The following PRXL2C variants were observed in gnomAD, a reference collection of about 807,000 sequenced individuals.
PRXL2C encodes peroxiredoxin-like 2C.
A neutral mutation model predicts 24.9 loss-of-function variants in PRXL2C; 38 were observed. The ratio of observed to expected loss-of-function variants is 1.53; its 90% CI spans 1.18 to 2.00. PRXL2C has a LOEUF of 2.00. Among genes scored for constraint, PRXL2C ranks in the 30% most tolerant of loss-of-function variants. The probability of loss-of-function intolerance (pLI) is 0.00; values close to 1 mark genes in which losing one functional copy is unlikely to be tolerated. For synonymous variants in PRXL2C, 98 were observed against 117.2 expected, an observed-to-expected ratio of 0.84 and a Z score of 1.06; for missense variants, 294 against 290.9, an observed-to-expected ratio of 1.01 and a Z score of -0.08.
At chr9:96,646,944 C>T (rs894266685) in intron 4 of PRXL2C, among the ~76,000 whole-genome samples, 4 of 152,140 alleles carry the variant, frequency 2.6e-5, no homozygotes, top group Admixed American at 6.5e-5. Flanking sequence ...GCATGTGCCA[C>T]CACGCCCGGC....
chr9:96,650,957 C>G (rs890302632), intron 4 of PRXL2C, among the ~76,000 whole-genome samples: 1 of 152,106 alleles, frequency 6.6e-6, no homozygotes, highest in Non-Finnish European at 1.5e-5. Context: ...AATGAATCTT[C>G]TGGAGCCTGG....
chr9:96,652,696 TAC>T (rs1848285038), intron 2 of PRXL2C, among the ~76,000 whole-genome samples: 1 of 152,206 alleles, frequency 6.6e-6, no homozygotes, highest in Non-Finnish European at 1.5e-5. Context: ...GGAACTTTTG[TAC>T]ACTGTTGTTA....
chr9:96,650,699 C>T (rs1848254215), intron 4 of PRXL2C, among the ~76,000 whole-genome samples: 1 of 152,020 alleles, frequency 6.6e-6, no homozygotes, highest in Non-Finnish European at 1.5e-5. Context: ...ATACTACTTT[C>T]CGTTTAATTA....
rs1015490247 is a variant in PRXL2C, at chr9:96,655,123, G to A, written c.159C>T (p.Phe53=). ...ACACCACCACGGCGCGGCGCTCCCG[G>A]AACAGCGCGCCGAACGGTACCCGCT... is the stretch of plus-strand genomic sequence containing the variant. ...RGQRVPFGAL[F]RERRAVVVFV... Residue 53 remains phenylalanine (F), a synonymous_variant, in exon 1 of 6, where the codon TTC becomes TTT. Transcript: ENST00000375234. The A allele has an allele frequency of 2.9e-6, 4 of 1,402,862 alleles. No individual in the cohort carries two copies. The highest frequency in any genetic ancestry group is 3.7e-6 in the Non-Finnish European group (4 of 1,081,770). 86.9% of individuals were successfully genotyped at this position (1,402,862 alleles called of 1,614,324 possible).
Position 96,653,950 on chromosome 9 carries a change from C to T in PRXL2C, c.261+755G>A, listed in dbSNP as rs1429837680. Among the ~76,000 whole-genome samples, 5 of 152,166 alleles carry T rather than the reference C, an allele frequency of 3.3e-5. No homozygotes were observed. In the East Asian group the frequency reaches 9.6e-4, roughly 29 times the overall value. On this transcript the variant is annotated intron_variant, in intron 2 of 5. Transcript: ENST00000375234. ...CCGCCTCCCGGGTTCACGCCATTCT[C>T]CTGCCTCAGCCTCCCGAGTAGCTGG...
At chr9:96,646,991 C>T (rs978866695) in intron 4 of PRXL2C, among the ~76,000 whole-genome samples, 2 of 152,118 alleles carry the variant, frequency 1.3e-5, no homozygotes, top group Non-Finnish European at 2.9e-5. Flanking sequence ...GGTTTCTCCA[C>T]GTTGGTCAGG....
At chr9:96,651,901 T>C (rs1355470533) in intron 2 of PRXL2C, among the ~76,000 whole-genome samples, 189 bp from the exon 3 acceptor site, 1 of 152,232 alleles carries the variant, frequency 6.6e-6, no homozygotes, top group East Asian at 1.9e-4. Flanking sequence ...AGATGCTTCT[T>C]TTGCTAAGTA....
intron 2 of PRXL2C, among the ~76,000 whole-genome samples, chr9:96,652,463 G>A (rs1848280358): frequency 6.6e-6 from 1 of 150,496 alleles, no homozygotes; most frequent in Non-Finnish European, 1.5e-5. Context: ...GAAGGTTGTA[G>A]TCAGCCGAGA....
At chr9:96,651,799 T>C in intron 2 of PRXL2C, 87 bp from the exon 3 acceptor site, 2 of 1,158,138 alleles carry the variant, frequency 1.7e-6, no homozygotes, top group Non-Finnish European at 2.5e-6. Flanking sequence ...TTATGTTTCA[T>C]TCTAATGCCA....
chr9:96,652,186 A>C (rs1848277085), intron 2 of PRXL2C, among the ~76,000 whole-genome samples: 2 of 152,244 alleles, frequency 1.3e-5, no homozygotes, highest in South Asian at 4.1e-4. Context: ...AAAGTGTAAA[A>C]GAAATTCAAA....
intron 1 of PRXL2C, 115 bp from the exon 2 acceptor site, chr9:96,654,888 G>A: frequency 1.6e-6 from 2 of 1,243,992 alleles, no homozygotes; most frequent in African/African-American, 3.2e-5. Context: ...GCGGGGCCGG[G>A]ACCGGCGGCT....
At chr9:96,655,032 C>T in intron 1 of PRXL2C, 58 bp downstream of exon 1, 3 of 1,428,842 alleles carry the variant, frequency 2.1e-6, no homozygotes, top group Non-Finnish European at 2.7e-6. Context: ...GCTCGCATCC[C>T]GGCAGCCTGC....
chr9:96,645,850 A>C, intron 5 of PRXL2C, 43 bp downstream of exon 5: 1 of 1,538,926 alleles, frequency 6.5e-7, no homozygotes, highest in Non-Finnish European at 8.7e-7. Context: ...AACTTGTAAA[A>C]AGCACAAGAC....
Position 96,651,436 on chromosome 9 carries a change from A to C in PRXL2C, c.375T>G (p.Ile125Met). The change falls in exon 4 of 6, where the codon ATT becomes ATG. Residue 125 changes from isoleucine (I) to methionine (M), a missense_variant. Physicochemically the swap from Ile to Met is conservative, Grantham distance 10. Transcript: ENST00000375234. ...HEIYVDPERE[I>M]YKRLGMKRGE... The stretch of plus-strand genomic sequence containing the variant: ...CTCTTTTCATTCCCAATCTTTTATA[A>C]ATTTCTCTCTCAGGATCGACATAGA... 6.2e-7 allele frequency: 1 copy of C among 1,613,506 alleles called. No homozygotes were observed. Among genetic ancestry groups the C allele is most frequent in the Non-Finnish European group, 8.5e-7 (1 of 1,179,892 alleles).
chr9:96,649,772 A>G (rs1848245980), intron 4 of PRXL2C, among the ~76,000 whole-genome samples: 1 of 151,940 alleles, frequency 6.6e-6, no homozygotes, highest in Admixed American at 6.6e-5. Flanking sequence ...CATGGGTTAT[A>G]TGACTGTCTC....
rs978515932 is a variant in PRXL2C, at chr9:96,655,288, G to A, written c.-7C>T. The A allele has an allele frequency of 6.7e-6, 7 of 1,050,316 alleles. No homozygotes were observed. The highest frequency in any genetic ancestry group is 8.0e-6 in the Non-Finnish European group (7 of 873,608). 65.1% of individuals were successfully genotyped at this position (1,050,316 alleles called of 1,614,324 possible). ...CCGGGGCCGGCGCGGCCATGACGCG[G>A]GGCGGCCGAGGGCCTGGGTCCGCTC... is the stretch of plus-strand genomic sequence containing the variant. On this transcript the variant is annotated 5_prime_UTR_variant, in exon 1 of 6. Coordinates refer to ENST00000375234, the MANE Select transcript of PRXL2C (RefSeq NM_153698.2).
intron 5 of PRXL2C, among the ~76,000 whole-genome samples, chr9:96,645,624 C>T (rs1205456852): frequency 6.6e-6 from 1 of 151,626 alleles, no homozygotes; most frequent in African/African-American, 2.4e-5. Flanking sequence ...GGTGAAACCC[C>T]GTCTCTACTA....
At chr9:96,643,352 T>C (rs1183448664) in intron 5 of PRXL2C, among the ~76,000 whole-genome samples, 1 of 152,188 alleles carries the variant, frequency 6.6e-6, no homozygotes, top group African/African-American at 2.4e-5. Context: ...GTTCAAGCGA[T>C]TATCCTGCCT....
Position 96,640,816 on chromosome 9 carries a change from AGT to A in PRXL2C, c.*941_*942del, listed in dbSNP as rs750016047. On this transcript the variant is annotated 3_prime_UTR_variant, in exon 6 of 6. Coordinates refer to ENST00000375234, the MANE Select transcript of PRXL2C (RefSeq NM_153698.2). Reference sequence around the variant, plus strand: ...CACTGCACTCCAGCCTGGGCAACAGAGTGAGACTCCATCTCAAAAAAAAAAAA... The same window carrying A: ...CACTGCACTCCAGCCTGGGCAACAGAGAGACTCCATCTCAAAAAAAAAAAA... 2 of 143,458 alleles carry A rather than the reference AGT, an allele frequency of 1.4e-5. No individual in the cohort carries two copies. The highest frequency in any genetic ancestry group is 4.6e-4 in the South Asian group (2 of 4,382). 8.9% of individuals were successfully genotyped at this position (143,458 alleles called of 1,614,324 possible). A position where few individuals can be genotyped will look rare whatever the true frequency, so the allele number is the denominator to read the frequency against.
Sources: allele counts gnomAD v4.1 joint callset (sites outside exome capture counted in the v4.1 genomes callset), GRCh38; gene constraint gnomAD v4.1.1; transcripts MANE v1.5; gene names NCBI Gene and HGNC (gene_info 2026-07-23, HGNC 2026-07-21).